PDE10A: variants seen among roughly 807,000 people sequenced by gnomAD.
PDE10A encodes cAMP and cAMP-inhibited cGMP 3',5'-cyclic phosphodiesterase 10A.
Under a neutral mutation model 97.7 loss-of-function variants are expected in PDE10A, and 39 were observed. The observed-to-expected ratio is 0.40, with a 90% CI of 0.31 to 0.52. PDE10A has a LOEUF of 0.52. PDE10A is among the 20% of genes least tolerant of loss of function. The pLI, the probability that PDE10A is intolerant of heterozygous loss-of-function variation, is 0.56. For synonymous variants in PDE10A, 371 were observed against 376.8 expected, an observed-to-expected ratio of 0.98 and a Z score of 0.18; for missense variants, 731 against 1,047.8, an observed-to-expected ratio of 0.70 and a Z score of 4.17.
chr6:165,366,018 C>T (rs1278947226), intron 18 of PDE10A, among the ~76,000 whole-genome samples: 1 of 151,968 alleles, frequency 6.6e-6, no homozygotes, highest in East Asian at 1.9e-4. Context: ...AGGAGTGGCA[C>T]AAAATTAGAA....
intron 5 of PDE10A, among the ~76,000 whole-genome samples, chr6:165,443,163 A>C (rs1167780642): frequency 6.6e-6 from 1 of 151,582 alleles, no homozygotes; most frequent in Non-Finnish European, 1.5e-5. Flanking sequence ...CATCTGAGAC[A>C]ATGCAAGGCC....
intron 18 of PDE10A, among the ~76,000 whole-genome samples, chr6:165,360,100 T>C (rs372224345): frequency 6.6e-6 from 1 of 152,236 alleles, no homozygotes; most frequent in East Asian, 1.9e-4. Context: ...ACCCACGATA[T>C]GGCTTTGCTG....
At chr6:165,692,149 C>T (rs10946097) in intron 1 of PDE10A, among the ~76,000 whole-genome samples, 43,391 of 152,150 alleles carry the variant, frequency 0.29, 7,554 homozygotes, top group Non-Finnish European at 0.4. Context: ...GGAGGCCATG[C>T]AGCGTGACAG....
At chr6:165,832,916 T>C (rs560161397) in intron 1 of PDE10A, among the ~76,000 whole-genome samples, 1 of 152,318 alleles carries the variant, frequency 6.6e-6, no homozygotes, top group Admixed American at 6.5e-5. Flanking sequence ...CGAGGACTCT[T>C]TCATAAGGCA....
At chr6:165,521,960 A>G (rs1266987472) in intron 2 of PDE10A, among the ~76,000 whole-genome samples, 1 of 152,220 alleles carries the variant, frequency 6.6e-6, no homozygotes, top group Non-Finnish European at 1.5e-5. Flanking sequence ...TTCACTGAGC[A>G]TAATTTCCTC....
At chr6:165,809,681 G>A (rs78077224) in intron 1 of PDE10A, among the ~76,000 whole-genome samples, 9,819 of 152,218 alleles carry the variant, frequency 0.065, 403 homozygotes, top group Non-Finnish European at 0.098. Flanking sequence ...AACCTAATCA[G>A]TAAAAAATGA....
At chr6:165,861,905 T>C (rs754296631) in intron 1 of PDE10A, among the ~76,000 whole-genome samples, 2 of 152,190 alleles carry the variant, frequency 1.3e-5, no homozygotes, top group African/African-American at 4.8e-5. Flanking sequence ...TTGCCTGTTT[T>C]TAAGAAAAAT....
chr6:165,645,293 C>A (rs1054555415), intron 1 of PDE10A, among the ~76,000 whole-genome samples: 2 of 152,186 alleles, frequency 1.3e-5, no homozygotes, highest in Non-Finnish European at 2.9e-5. Context: ...TACTGGCTCT[C>A]CCTTCTTGCC....
chr6:165,963,660 A>G (rs1270339974), intron 1 of PDE10A, among the ~76,000 whole-genome samples: 2 of 152,232 alleles, frequency 1.3e-5, no homozygotes, highest in African/African-American at 2.4e-5. Context: ...GGGTGACCGG[A>G]GGAAGGCAGC....
intron 1 of PDE10A, among the ~76,000 whole-genome samples, chr6:165,748,830 G>A (rs1232843410): frequency 2.0e-5 from 3 of 151,982 alleles, no homozygotes; most frequent in Admixed American, 6.6e-5. Context: ...GTGTGTGTGT[G>A]TGTGATTTCA....
Position 165,343,505 on chromosome 6 carries a change from A to G in PDE10A, c.2784-3T>C, listed in dbSNP as rs753689893. ...TCATCAAACCAATTACACGGTCTCT[A>G]GAACACAACAATATAAGACTGGTCA... On this transcript the variant is annotated splice_region_variant and splice_polypyrimidine_tract_variant and intron_variant, in intron 18 of 21. Transcript: ENST00000539869. The G allele has an allele frequency of 1.3e-6, 2 of 1,597,036 alleles. No individual in the cohort carries two copies. Among genetic ancestry groups the G allele is most frequent in the East Asian group, 2.2e-5 (1 of 44,790 alleles).
At chr6:165,938,207 C>G (rs748039156) in intron 1 of PDE10A, among the ~76,000 whole-genome samples, 1 of 152,238 alleles carries the variant, frequency 6.6e-6, no homozygotes, top group African/African-American at 2.4e-5. Flanking sequence ...CCTTGTGAAA[C>G]AGGTCACCAA....
chr6:165,370,191 C>T (rs558515296), intron 18 of PDE10A, among the ~76,000 whole-genome samples: 14 of 151,152 alleles, frequency 9.3e-5, no homozygotes, highest in Admixed American at 8.6e-4. Context: ...AATAACCAGC[C>T]AACATCATAA....
upstream of PDE10A, among the ~76,000 whole-genome samples, chr6:165,665,040 C>G (rs1306218581): frequency 6.6e-6 from 1 of 152,184 alleles, no homozygotes; most frequent in Non-Finnish European, 1.5e-5. Flanking sequence ...CAGAATCAAC[C>G]TCCTGTTTAC....
chr6:165,789,968 A>C (rs1429190917), intron 1 of PDE10A, among the ~76,000 whole-genome samples: 1 of 152,186 alleles, frequency 6.6e-6, no homozygotes, highest in Non-Finnish European at 1.5e-5. Flanking sequence ...AGAGGAAGAG[A>C]AAGAGAAAGG....
chr6:165,466,615 A>G (rs1778666234), intron 3 of PDE10A, among the ~76,000 whole-genome samples: 1 of 152,002 alleles, frequency 6.6e-6, no homozygotes, highest in Admixed American at 6.5e-5. Flanking sequence ...TGTAATTCTC[A>G]CTGTATTTCA....
At chr6:165,912,048 T>C (rs944417175) in intron 1 of PDE10A, among the ~76,000 whole-genome samples, 1 of 152,032 alleles carries the variant, frequency 6.6e-6, no homozygotes, top group Non-Finnish European at 1.5e-5. Flanking sequence ...TCTATCTCTA[T>C]CTCTATTATC....
At position 165,668,858 on chromosome 6, in the gene PDE10A, C is replaced by T. The variant is rs1013310760; in HGVS notation, c.-614-125290G>A. Among the ~76,000 whole-genome samples, 20 of 152,188 alleles carry T rather than the reference C, an allele frequency of 1.3e-4. No homozygotes were observed. In the East Asian group the frequency reaches 1.9e-3, roughly 15 times the overall value. ...TCACATGGGTGAAGTGTTCTGACATCAGATCTTGACTTTTGCACAGGTTTT... is the reference window on the plus strand; with the variant it reads ...TCACATGGGTGAAGTGTTCTGACATTAGATCTTGACTTTTGCACAGGTTTT... On this transcript the variant is annotated intron_variant, in intron 1 of 19. Transcript: ENST00000366882.
intron 1 of PDE10A, chr6:165,775,193 G>A (rs1324672002): frequency 2.0e-5 from 3 of 152,180 alleles, no homozygotes; most frequent in Admixed American, 1.3e-4. Flanking sequence ...CAAGAAAATA[G>A]TCAATGGAGT....
Sources: allele counts gnomAD v4.1 joint callset (sites outside exome capture counted in the v4.1 genomes callset), GRCh38; gene constraint gnomAD v4.1.1; transcripts MANE v1.5; gene names NCBI Gene and HGNC (gene_info 2026-07-23, HGNC 2026-07-21).